The following NRXN3 variants were observed in gnomAD, a reference collection of about 807,000 sequenced individuals.
The protein encoded by NRXN3 is neurexin III.
A neutral mutation model predicts 137.6 loss-of-function variants in NRXN3; 32 were observed. That is an observed-to-expected ratio of 0.23 (90% CI 0.18 to 0.31). The LOEUF is 0.31. Among genes scored for constraint, NRXN3 ranks in the 10% least tolerant of loss-of-function variants. NRXN3 has a pLI of 1.00. For synonymous variants in NRXN3, 798 were observed against 784.5 expected, an observed-to-expected ratio of 1.02 and a Z score of -0.29; for missense variants, 1,574 against 2,062.5, an observed-to-expected ratio of 0.76 and a Z score of 4.59.
intron 15 of NRXN3, among the ~76,000 whole-genome samples, chr14:79,330,629 G>A (rs898680138): frequency 6.6e-6 from 1 of 152,148 alleles, no homozygotes; most frequent in Non-Finnish European, 1.5e-5. Context: ...AGAAGTAAAG[G>A]TAGGTAGCCC....
At chr14:78,537,745 C>A (rs1238266661) in intron 4 of NRXN3, among the ~76,000 whole-genome samples, 1 of 152,138 alleles carries the variant, frequency 6.6e-6, no homozygotes, top group Non-Finnish European at 1.5e-5. Flanking sequence ...GGTTTTGGAT[C>A]TAACATTTAA....
At chr14:78,538,878 G>A (rs1367344556) in intron 4 of NRXN3, among the ~76,000 whole-genome samples, 1 of 152,124 alleles carries the variant, frequency 6.6e-6, no homozygotes. Flanking sequence ...TAATCATGTG[G>A]TTTTTATTGT....
intron 6 of NRXN3, among the ~76,000 whole-genome samples, chr14:78,683,529 C>G (rs1038196104): frequency 6.6e-6 from 1 of 152,070 alleles, no homozygotes; most frequent in Non-Finnish European, 1.5e-5. Flanking sequence ...CCCAGCTTCA[C>G]AAAGCAGAAT....
At chr14:78,913,250 C>CTTTT (rs2099244617) in intron 10 of NRXN3, among the ~76,000 whole-genome samples, 1 of 84,458 alleles carries the variant, frequency 1.2e-5, no homozygotes, top group African/African-American at 5.9e-5. Flanking sequence ...CCTTTCTTTT[C>CTTTT]TTTCTTTCTT....
intron 19 of NRXN3, among the ~76,000 whole-genome samples, chr14:79,764,844 T>C (rs1256107639): frequency 6.6e-6 from 1 of 152,200 alleles, no homozygotes; most frequent in African/African-American, 2.4e-5. Context: ...AAGGCAGTGT[T>C]TACCCTAGTG....
At chr14:78,380,403 T>G in intron 4 of NRXN3, among the ~76,000 whole-genome samples, 1 of 151,952 alleles carries the variant, frequency 6.6e-6, no homozygotes, top group East Asian at 1.9e-4. Flanking sequence ...CAGATGTAAT[T>G]ATTTTAAGAA....
At chr14:78,372,250 G>A (rs2086973030) in intron 4 of NRXN3, among the ~76,000 whole-genome samples, 2 of 150,608 alleles carry the variant, frequency 1.3e-5, no homozygotes, top group South Asian at 4.2e-4. Context: ...AAAAGTTGTG[G>A]TGGTTGCATG....
At chr14:79,157,451 A>G (rs1350067377) in intron 15 of NRXN3, among the ~76,000 whole-genome samples, 3 of 151,816 alleles carry the variant, frequency 2.0e-5, no homozygotes, top group Non-Finnish European at 4.4e-5. Flanking sequence ...TAATATTTCC[A>G]GAATCCCTGA....
intron 6 of NRXN3, 116 bp downstream of exon 6, chr14:78,651,442 G>T: frequency 8.3e-7 from 1 of 1,202,178 alleles, no homozygotes; most frequent in East Asian, 2.5e-5. Flanking sequence ...ATAGATTGCA[G>T]CAGAAACAAC....
chr14:79,514,043 T>G (rs529672043), intron 16 of NRXN3, among the ~76,000 whole-genome samples: 1 of 152,164 alleles, frequency 6.6e-6, no homozygotes, highest in Admixed American at 6.6e-5. Context: ...TACTACATCA[T>G]GCAACCTGCT....
intron 10 of NRXN3, among the ~76,000 whole-genome samples, chr14:78,904,845 C>G (rs1035630052): frequency 6.6e-6 from 1 of 152,018 alleles, no homozygotes; most frequent in South Asian, 2.1e-4. Flanking sequence ...ATGACCTTTC[C>G]CTACACGGCT....
At chr14:78,757,499 G>A (rs1239323387) in intron 8 of NRXN3, among the ~76,000 whole-genome samples, 2 of 151,926 alleles carry the variant, frequency 1.3e-5, no homozygotes, top group Non-Finnish European at 2.9e-5. Flanking sequence ...GGAAAGGCTA[G>A]GCCTCAGGAA....
At chr14:78,892,371 G>C (rs1193180778) in intron 10 of NRXN3, among the ~76,000 whole-genome samples, 1 of 151,934 alleles carries the variant, frequency 6.6e-6, no homozygotes, top group Non-Finnish European at 1.5e-5. Flanking sequence ...GAGAAGAGAG[G>C]AAGTCAACTT....
intron 10 of NRXN3, among the ~76,000 whole-genome samples, chr14:78,932,278 A>C (rs966501541): frequency 6.6e-6 from 1 of 152,104 alleles, no homozygotes; most frequent in Non-Finnish European, 1.5e-5. Context: ...TGCAGTCAGC[A>C]CTTTGATCAG....
At chr14:79,027,251 T>C (rs2099600216) in intron 15 of NRXN3, among the ~76,000 whole-genome samples, 1 of 151,788 alleles carries the variant, frequency 6.6e-6, no homozygotes, top group South Asian at 2.1e-4. Flanking sequence ...AGTAAGCAAG[T>C]GATTCAATCA....
chr14:79,136,464 T>A (rs2058239244), intron 15 of NRXN3, among the ~76,000 whole-genome samples: 1 of 152,218 alleles, frequency 6.6e-6, no homozygotes, highest in African/African-American at 2.4e-5. Flanking sequence ...GTGATACGGT[T>A]TGTTCTTCTC....
chr14:79,404,546 A>G (rs1210763395), intron 15 of NRXN3, among the ~76,000 whole-genome samples: 1 of 152,178 alleles, frequency 6.6e-6, no homozygotes, highest in Non-Finnish European at 1.5e-5. Context: ...CTGGAAATGA[A>G]AGACAGCTAG....
intron 10 of NRXN3, among the ~76,000 whole-genome samples, chr14:78,843,570 CA>C (rs1412609261): frequency 1.3e-4 from 20 of 152,030 alleles, no homozygotes; most frequent in Admixed American, 5.2e-4. Flanking sequence ...ACTAAGCATG[CA>C]AAAAGATCAG....
intron 19 of NRXN3, among the ~76,000 whole-genome samples, chr14:79,776,369 C>G (rs2099097142): frequency 6.6e-6 from 1 of 152,124 alleles, no homozygotes; most frequent in African/African-American, 2.4e-5. Context: ...TGTAAAGATT[C>G]CAATGGACCA....
Sources: gnomAD v4.1 joint callset for allele counts (sites outside exome capture counted in the v4.1 genomes callset) on GRCh38, gnomAD v4.1.1 for gene constraint, MANE v1.5 for transcripts, NCBI Gene and HGNC (gene_info 2026-07-23, HGNC 2026-07-21) for gene names.